The following ZNF888 variants were observed in gnomAD, a reference collection of about 807,000 sequenced individuals.
ZNF888 encodes zinc finger protein 888.
A neutral mutation model predicts 7.2 loss-of-function variants in ZNF888; 5 were observed. The ratio of observed to expected loss-of-function variants is 0.70; its 90% CI spans 0.36 to 1.46. The LOEUF is 1.46. Among genes scored for constraint, ZNF888 ranks in the 40% most tolerant of loss-of-function variants. ZNF888 has a pLI of 0.03. For missense variants in ZNF888, 716 were observed against 858.0 expected, an observed-to-expected ratio of 0.83 and a Z score of 2.07; for synonymous variants, 240 against 284.3, an observed-to-expected ratio of 0.84 and a Z score of 1.57.
chr19:52,907,330 C>A lies in ZNF888; in HGVS notation c.992G>T (p.Cys331Phe). 1 of 1,613,650 alleles carries A rather than the reference C, an allele frequency of 6.2e-7. No homozygotes were observed. Among genetic ancestry groups the A allele is most frequent in the South Asian group, 1.1e-5 (1 of 91,054 alleles). The change falls in exon 5 of 5, where the codon TGT becomes TTT. Residue 331 changes from cysteine (C) to phenylalanine (F), a missense_variant. By Grantham distance (205) the Cys-to-Phe change is radical (BLOSUM62 -2). Transcript: ENST00000638862. The stretch of plus-strand genomic sequence containing the variant: ...TGATTGTTGATTAAAAACCTTGCCA[C>A]ATTCATTACACTTGTAAGGTTTCTC... ...TGEKPYKCNECGKVFNQQSNL... is the reference protein window; with the variant it reads ...TGEKPYKCNEFGKVFNQQSNL...
Position 52,906,080 on chromosome 19 carries a change from A to T in ZNF888, c.*85T>A. On this transcript the variant is annotated 3_prime_UTR_variant, in exon 5 of 5. Transcript: ENST00000638862. ...CTGAAAAATTTGCCACATTTACTAC[A>T]CTTGTAAGATCTCTATTCATTATGG... 1 of 1,602,038 alleles carries T rather than the reference A, an allele frequency of 6.2e-7. No individual in the cohort carries two copies. Among genetic ancestry groups the T allele is most frequent in the Non-Finnish European group, 8.5e-7 (1 of 1,170,016 alleles).
At position 52,908,061 on chromosome 19, in the gene ZNF888, C is replaced by G; in HGVS notation, c.261G>C (p.Gln87His). 6.2e-7 allele frequency: 1 copy of G among 1,614,156 alleles called. No homozygotes were observed. The highest frequency in any genetic ancestry group is 8.5e-7 in the Non-Finnish European group (1 of 1,180,022). Reference sequence around the variant, plus strand: ...AGTCATGAATGTCTTTCTCAATTTCCTGGAAGCAACATTCTCCAATGTGAT... The same window carrying G: ...AGTCATGAATGTCTTTCTCAATTTCGTGGAAGCAACATTCTCCAATGTGAT... Reference protein sequence around the residue: ...ASHHIGECCFQEIEKDIHDFV... With the variant: ...ASHHIGECCFHEIEKDIHDFV... The change falls in exon 5 of 5, where the codon CAG becomes CAC. Residue 87 changes from glutamine (Q) to histidine (H), a missense_variant. This residue lies in a region of ZNF888 where 697 missense variants were observed against 803.4 expected (regional missense o/e 0.87). Transcript: ENST00000638862.
chr19:52,907,965 C>A lies in ZNF888; in HGVS notation c.357G>T (p.Thr119=), dbSNP rs1228681027. Reference sequence around the variant, plus strand: ...TTTGATCATATTGGTCTGTACTACCCGTCAACTCTTTGATTTCTGTCATGG... The same window carrying A: ...TTTGATCATATTGGTCTGTACTACCAGTCAACTCTTTGATTTCTGTCATGG... ...EAPMTEIKEL[T]GSTDQYDQRH... The change falls in exon 5 of 5, where the codon ACG becomes ACT. Residue 119 remains threonine (T), a synonymous_variant. Transcript: ENST00000638862. 3 of 1,614,074 alleles carry A rather than the reference C, an allele frequency of 1.9e-6. No individual in the cohort carries two copies. Among genetic ancestry groups the A allele is most frequent in the Non-Finnish European group, 2.5e-6 (3 of 1,180,006 alleles).
chr19:52,922,363 G>A (rs10419410), intron 1 of ZNF888, among the ~76,000 whole-genome samples: 78,303 of 151,582 alleles, frequency 0.52, 20,596 homozygotes, highest in Admixed American at 0.63. Context: ...CCTCCCTGCT[G>A]TGGTTCTCCC....
At position 52,906,102 on chromosome 19, in the gene ZNF888, A is replaced by G. The variant is rs116709263; in HGVS notation, c.*63T>C. 1.3e-3 allele frequency: 2,171 copies of G among 1,609,590 alleles called. 23 individuals carry two copies. The African/African-American group carries it at 0.02, about 15-fold the overall frequency. On this transcript the variant is annotated 3_prime_UTR_variant, in exon 5 of 5. Transcript: ENST00000638862. ...TACACTTGTAAGATCTCTATTCATT[A>G]TGGATTCTTCAATGATTTGCAATGG... is the stretch of plus-strand genomic sequence containing the variant.
In ZNF888 at chr19:52,917,877, T is replaced by C. The variant is rs758762760; in HGVS notation, c.-4A>G. 21 of 1,612,866 alleles carry C rather than the reference T, an allele frequency of 1.3e-5. No individual in the cohort carries two copies. The Middle Eastern group carries it at 4.9e-4, about 38-fold the overall frequency. On this transcript the variant is annotated 5_prime_UTR_variant, in exon 3 of 5. Coordinates refer to ENST00000638862, the MANE Select transcript of ZNF888 (RefSeq NM_001393938.1). ...ATCTCACCTGAGGAAGAGCCATCCC[T>C]GACTCCTTTGCTTTCCTCTTCCTCT...
chr19:52,907,952 G>C lies in ZNF888; in HGVS notation c.370C>G (p.Gln124Glu), dbSNP rs1330734307. 1.2e-6 allele frequency: 2 copies of C among 1,614,072 alleles called. No homozygotes were observed. The stretch of plus-strand genomic sequence containing the variant: ...TTTCCAGCATGCCTTTGATCATATT[G>C]GTCTGTACTACCCGTCAACTCTTTG... ...EIKELTGSTD[Q>E]YDQRHAGNKP... Residue 124 changes from glutamine (Q) to glutamate (E), a missense_variant, in exon 5 of 5, where the codon CAA becomes GAA. Gln to Glu is a conservative substitution (Grantham distance 29). Transcript: ENST00000638862.
rs1301684604 is a variant in ZNF888 at position 52,906,426 on chromosome 19, T to C, written c.1896A>G (p.Lys632=). 5 of 1,613,088 alleles carry C rather than the reference T, an allele frequency of 3.1e-6. No individual in the cohort carries two copies. In the Admixed American group the frequency reaches 8.3e-5, roughly 27 times the overall value. ...TGTCGCAAACCCTACATTTGTATGGTTTCTCTCCAGTATGAACTCTCCTAT... is the reference window on the plus strand; with the variant it reads ...TGTCGCAAACCCTACATTTGTATGGCTTCTCTCCAGTATGAACTCTCCTAT... ...EIHRRVHTGE[K]PYKCRVCDKA... is the part of the protein sequence containing the mutation. Residue 632 remains lysine (K), a synonymous_variant, in exon 5 of 5, where the codon AAA becomes AAG. Coordinates refer to ENST00000638862, the MANE Select transcript of ZNF888 (RefSeq NM_001393938.1).
chr19:52,922,450 A>T lies in ZNF888; in HGVS notation c.-178+919T>A, dbSNP rs117078644. Among the ~76,000 whole-genome samples the T allele has an allele frequency of 3.3e-5, 5 of 151,604 alleles. No homozygotes were observed. The East Asian group carries it at 9.8e-4, about 30-fold the overall frequency. The stretch of plus-strand genomic sequence containing the variant: ...ATCCCTCCTCCTCTCCCTCATTCTC[A>T]TGAGCCTTTCTGTTTGCTGCCCCTC... On this transcript the variant is annotated intron_variant, in intron 1 of 4. Coordinates refer to ENST00000638862, the MANE Select transcript of ZNF888 (RefSeq NM_001393938.1).
chr19:52,906,574 C>T lies in ZNF888; in HGVS notation c.1748G>A (p.Cys583Tyr). ...TGEKPYKCNE[C>Y]GKVFRTQSQL... ...TGACTGTGTCCTAAAAACCTTGCCACATTCATTACACTTGTAAGGTTTCTC... is the reference window on the plus strand; with the variant it reads ...TGACTGTGTCCTAAAAACCTTGCCATATTCATTACACTTGTAAGGTTTCTC... The change falls in exon 5 of 5, where the codon TGT becomes TAT. Residue 583 changes from cysteine (C) to tyrosine (Y), a missense_variant. Transcript: ENST00000638862. The T allele has an allele frequency of 3.7e-6, 6 of 1,613,920 alleles. 1 individual carries two copies. The South Asian group carries it at 6.6e-5, about 18-fold the overall frequency.
intron 3 of ZNF888, chr19:52,917,543 T>C: frequency 1.6e-6 from 1 of 632,742 alleles, no homozygotes; most frequent in South Asian, 1.6e-5. Flanking sequence ...AAACTGACAG[T>C]GCATCCAGAT....
chr19:52,909,249 T>C (rs2064648453), intron 4 of ZNF888, among the ~76,000 whole-genome samples: 1 of 149,746 alleles, frequency 6.7e-6, no homozygotes, highest in Non-Finnish European at 1.5e-5. Context: ...AAAAAATTTT[T>C]GTATTTTTTT....
chr19:52,908,257 A>G, intron 4 of ZNF888, 78 bp from the exon 5 acceptor site: 1 of 1,340,064 alleles, frequency 7.5e-7, no homozygotes. Flanking sequence ...ATATGACACC[A>G]AAAACAATAC....
intron 1 of ZNF888, among the ~76,000 whole-genome samples, chr19:52,922,251 C>T (rs56702993): frequency 0.3 from 29,514 of 99,568 alleles, 3,650 homozygotes; most frequent in Admixed American, 0.47. Context: ...CCATAGATTT[C>T]CACCTCTTCT....
Position 52,917,875 on chromosome 19 carries a change from C to G in ZNF888, c.-2G>C, listed in dbSNP as rs750886570. ...TCATCTCACCTGAGGAAGAGCCATCCCTGACTCCTTTGCTTTCCTCTTCCT... is the reference window on the plus strand; with the variant it reads ...TCATCTCACCTGAGGAAGAGCCATCGCTGACTCCTTTGCTTTCCTCTTCCT... On this transcript the variant is annotated 5_prime_UTR_variant, in exon 3 of 5. Transcript: ENST00000638862. 1.2e-6 allele frequency: 2 copies of G among 1,612,928 alleles called. No individual in the cohort carries two copies. The highest frequency in any genetic ancestry group is 2.2e-5 in the South Asian group (2 of 91,078).
intron 1 of ZNF888, among the ~76,000 whole-genome samples, chr19:52,923,067 T>C (rs2064840872): frequency 6.6e-6 from 1 of 152,160 alleles, no homozygotes; most frequent in African/African-American, 2.4e-5. Context: ...GATCCACCTC[T>C]CGGGTGAGGA....
chr19:52,916,627 T>TATATATATATACAC (rs2064754277), intron 3 of ZNF888, among the ~76,000 whole-genome samples: 4 of 142,144 alleles, frequency 2.8e-5, no homozygotes, highest in African/African-American at 1.1e-4. Context: ...TATATATATA[T>TATATATATATACAC]ATATATATAT....
chr19:52,911,618 G>A (rs750506635), intron 4 of ZNF888, among the ~76,000 whole-genome samples: 12 of 151,774 alleles, frequency 7.9e-5, no homozygotes, highest in Admixed American at 3.3e-4. Context: ...GATTACAGGC[G>A]TGAGCCACCG....
rs186508493 is a variant in ZNF888, at chr19:52,917,749, A to G, written c.15+110T>C. ...CTGAGGGAAGGCATGGGTGAGTGTG[A>G]GCAAACCTGTCACGCAGGATGCTTC... On this transcript the variant is annotated intron_variant, in intron 3 of 4. Transcript: ENST00000638862. 8.2e-6 allele frequency: 13 copies of G among 1,577,122 alleles called. No homozygotes were observed. In the Admixed American group the frequency reaches 8.4e-5, roughly 10 times the overall value.
Sources: gnomAD v4.1 joint callset for allele counts (sites outside exome capture counted in the v4.1 genomes callset) on GRCh38, gnomAD v4.1.1 for gene constraint, gnomAD v4.1.1 regional missense constraint, MANE v1.5 for transcripts, NCBI Gene and HGNC (gene_info 2026-07-23, HGNC 2026-07-21) for gene names.